The following ITIH2 variants were observed in gnomAD, a reference collection of about 807,000 sequenced individuals.
ITIH2 encodes the protein inter-alpha-trypsin inhibitor heavy chain H2.
Under a neutral mutation model 104.4 loss-of-function variants are expected in ITIH2, and 103 were observed. The ratio of observed to expected loss-of-function variants is 0.99; its 90% CI spans 0.84 to 1.16. ITIH2 has a LOEUF of 1.16. Among genes scored for constraint, ITIH2 ranks in the 50% most tolerant of loss-of-function variants. The pLI is 0.00. For missense variants in ITIH2, 1,108 were observed against 1,162.4 expected, an observed-to-expected ratio of 0.95 and a Z score of 0.68; for synonymous variants, 436 against 435.4, an observed-to-expected ratio of 1.00 and a Z score of -0.02.
chr10:7,720,473 A>T (rs1204885378), intron 6 of ITIH2, among the ~76,000 whole-genome samples: 1 of 152,228 alleles, frequency 6.6e-6, no homozygotes, highest in East Asian at 1.9e-4. Context: ...TTTGGGGAAA[A>T]TGGTCTACTT....
At chr10:7,709,914 C>T (rs1834780905) in intron 4 of ITIH2, among the ~76,000 whole-genome samples, 2 of 151,962 alleles carry the variant, frequency 1.3e-5, no homozygotes, top group Admixed American at 6.6e-5. Flanking sequence ...AGTGCAGTGG[C>T]GTGATCTCGG....
Position 7,746,658 on chromosome 10 carries a change from C to A in ITIH2, c.2647C>A (p.Pro883Thr). The A allele has an allele frequency of 6.2e-7, 1 of 1,613,882 alleles. No homozygotes were observed. The highest frequency in any genetic ancestry group is 8.5e-7 in the Non-Finnish European group (1 of 1,179,860). ...NERPGKDPEKPEASMEVKGQK... is the reference protein window; with the variant it reads ...NERPGKDPEKTEASMEVKGQK... ...GAGACCAGGAAAGGACCCTGAGAAG[C>A]CAGAGGCCAGCATGGAAGTGAAGGG... is the stretch of plus-strand genomic sequence containing the variant. The change falls in exon 20 of 21, where the codon CCA (proline) becomes ACA (threonine). Residue 883 changes from proline (P) to threonine (T), a missense_variant. Pro to Thr is a conservative substitution (Grantham distance 38). Transcript: ENST00000358415.
Position 7,720,865 on chromosome 10 carries a change from TG to T in ITIH2, c.643del (p.Val215LeufsTer7). On this transcript the variant is annotated frameshift_variant, in exon 7 of 21. Transcript: ENST00000358415. LOFTEE classifies it high-confidence loss of function. ...TCTCTTGCATCTCTAGGTAGATGTGTGGGTTATCGAACCACAGGGACTGAGA... is the reference window on the plus strand; with the variant it reads ...TCTCTTGCATCTCTAGGTAGATGTGTGGTTATCGAACCACAGGGACTGAGA... ...RLAKHLEVDV[W>X]VIEPQGLRFL... 1 of 1,604,466 alleles carries T rather than the reference TG, an allele frequency of 6.2e-7. No individual in the cohort carries two copies. Among genetic ancestry groups the T allele is most frequent in the Non-Finnish European group, 8.5e-7 (1 of 1,171,206 alleles).
intron 20 of ITIH2, among the ~76,000 whole-genome samples, chr10:7,748,831 C>T (rs532731562): frequency 6.6e-6 from 1 of 152,164 alleles, no homozygotes; most frequent in South Asian, 2.1e-4. Flanking sequence ...CAGGCGTGAG[C>T]CACCATGCCT....
chr10:7,735,243 G>T, intron 15 of ITIH2, 152 bp downstream of exon 15: 1 of 640,810 alleles, frequency 1.6e-6, no homozygotes, highest in Non-Finnish European at 2.6e-6. Context: ...TGCCAGCTGG[G>T]AGGAGGATGG....
chr10:7,739,711 AAAC>A (rs1835106330), intron 16 of ITIH2, among the ~76,000 whole-genome samples: 1 of 152,012 alleles, frequency 6.6e-6, no homozygotes, highest in Non-Finnish European at 1.5e-5. Flanking sequence ...AAAAAAACAA[AAAC>A]AAAAACAAAA....
Position 7,734,996 on chromosome 10 carries a change from T to C in ITIH2, c.1862T>C (p.Ile621Thr), listed in dbSNP as rs143765273. ...SILQMSLDHHIVTPLTSLVIE... is the reference protein window; with the variant it reads ...SILQMSLDHHTVTPLTSLVIE... Reference sequence around the variant, plus strand: ...CTGCAGATGTCTCTAGACCACCACATTGTGACTCCGCTGACCTCGCTGGTG... The same window carrying C: ...CTGCAGATGTCTCTAGACCACCACACTGTGACTCCGCTGACCTCGCTGGTG... Residue 621 changes from isoleucine (I) to threonine (T), a missense_variant, in exon 15 of 21, where the codon ATT becomes ACT. Transcript: ENST00000358415. The C allele has an allele frequency of 2.3e-4, 375 of 1,613,722 alleles. 1 individual carries two copies. The highest frequency in any genetic ancestry group is 8.7e-4 in the Admixed American group (52 of 60,008).
At chr10:7,720,616 C>T (rs1322159839) in intron 6 of ITIH2, among the ~76,000 whole-genome samples, 1 of 152,148 alleles carries the variant, frequency 6.6e-6, no homozygotes, top group Non-Finnish European at 1.5e-5. Flanking sequence ...AGGGAGTCGA[C>T]TCCTGGGGGA....
chr10:7,737,435 A>G (rs371677361), intron 15 of ITIH2, among the ~76,000 whole-genome samples: 3,058 of 138,950 alleles, frequency 0.022, 53 homozygotes, highest in South Asian at 0.076. Flanking sequence ...ATACACGTGT[A>G]TATATATATA....
At chr10:7,735,333 T>C (rs566800556) in intron 15 of ITIH2, among the ~76,000 whole-genome samples, 1 of 152,220 alleles carries the variant, frequency 6.6e-6, no homozygotes, top group Non-Finnish European at 1.5e-5. Context: ...CCTTCCAACA[T>C]TTTTGACATC....
intron 14 of ITIH2, among the ~76,000 whole-genome samples, chr10:7,733,963 G>C (rs999896596): frequency 6.6e-6 from 1 of 151,728 alleles, no homozygotes; most frequent in African/African-American, 2.4e-5. Flanking sequence ...CACACTAGAT[G>C]TATTTACAGG....
At chr10:7,745,844 T>A (rs1334046980) in intron 19 of ITIH2, among the ~76,000 whole-genome samples, 1 of 151,176 alleles carries the variant, frequency 6.6e-6, no homozygotes, top group Admixed American at 6.6e-5. Flanking sequence ...AACCGCTGCC[T>A]CCCCGGTTCA....
intron 6 of ITIH2, among the ~76,000 whole-genome samples, chr10:7,720,265 C>T (rs1230203654): frequency 6.6e-6 from 1 of 152,112 alleles, no homozygotes; most frequent in Non-Finnish European, 1.5e-5. Flanking sequence ...AACCAAACTG[C>T]ATTTGTACTC....
intron 6 of ITIH2, among the ~76,000 whole-genome samples, 200 bp from the exon 7 acceptor site, chr10:7,720,656 G>C (rs532134408): frequency 6.6e-6 from 1 of 152,308 alleles, no homozygotes; most frequent in South Asian, 2.1e-4. Context: ...GCTCTGAGTC[G>C]ACAGAAGGGG....
At position 7,715,290 on chromosome 10, in the gene ITIH2, G is replaced by A. The variant is rs535986299; in HGVS notation, c.467+2005G>A. 3.3e-5 allele frequency among the ~76,000 whole-genome samples: 5 copies of A among 152,154 alleles called. 1 individual carries two copies. Among genetic ancestry groups the A allele is most frequent in the South Asian group, 4.2e-4 (2 of 4,818 alleles). Reference sequence around the variant, plus strand: ...ACGTAAATTAGCTGGGCGTGGTGGCGTGTGCCTGTAATCCCAGCTACTCAG... The same window carrying A: ...ACGTAAATTAGCTGGGCGTGGTGGCATGTGCCTGTAATCCCAGCTACTCAG... On this transcript the variant is annotated intron_variant, in intron 5 of 20. Coordinates refer to ENST00000358415, the MANE Select transcript of ITIH2 (RefSeq NM_002216.3).
At chr10:7,740,802 G>A (rs1564306871) in intron 16 of ITIH2, among the ~76,000 whole-genome samples, 2 of 152,090 alleles carry the variant, frequency 1.3e-5, no homozygotes, top group Non-Finnish European at 2.9e-5. Flanking sequence ...CCTGCAGGGT[G>A]GATACAAGTT....
chr10:7,748,966 G>C (rs1835208492), intron 20 of ITIH2, among the ~76,000 whole-genome samples: 1 of 152,062 alleles, frequency 6.6e-6, no homozygotes, highest in African/African-American at 2.4e-5. Context: ...TCAACTCTAA[G>C]GGTTCTTTGA....
At position 7,731,995 on chromosome 10, in the gene ITIH2, C is replaced by T. The variant is rs778895451; in HGVS notation, c.1646C>T (p.Ser549Leu). 9 of 1,610,860 alleles carry T rather than the reference C, an allele frequency of 5.6e-6. No individual in the cohort carries two copies. Among genetic ancestry groups the T allele is most frequent in the East Asian group, 2.2e-5 (1 of 44,872 alleles). The change falls in exon 13 of 21, where the codon TCG becomes TTG. Residue 549 changes from serine to leucine, a missense_variant and splice_region_variant. Ser to Leu is a moderately radical substitution (Grantham distance 145). Coordinates refer to ENST00000358415, the MANE Select transcript of ITIH2 (RefSeq NM_002216.3). The part of the protein sequence containing the change: ...DQIESVITAT[S>L]ANTQLVLETL... ...ATAGAGAGCGTTATCACGGCGACTTCGGTACTTCCACTTATCCATTTATTC... is the reference window on the plus strand; with the variant it reads ...ATAGAGAGCGTTATCACGGCGACTTTGGTACTTCCACTTATCCATTTATTC...
chr10:7,747,880 CAG>C (rs1265926346), intron 20 of ITIH2, among the ~76,000 whole-genome samples: 1 of 150,200 alleles, frequency 6.7e-6, no homozygotes, highest in South Asian at 2.1e-4. Flanking sequence ...GCTTGGGTAA[CAG>C]AGAGAGACCT....
Sources: allele counts gnomAD v4.1 joint callset (sites outside exome capture counted in the v4.1 genomes callset), GRCh38; gene constraint gnomAD v4.1.1; transcripts MANE v1.5; gene names NCBI Gene and HGNC (gene_info 2026-07-23, HGNC 2026-07-21).